The following UBTD1 variants were observed in gnomAD, a reference collection of about 807,000 sequenced individuals.
The protein encoded by UBTD1 is ubiquitin domain-containing protein 1.
Under a neutral mutation model 21.7 loss-of-function variants are expected in UBTD1, and 19 were observed. That is an observed-to-expected ratio of 0.87 (90% CI 0.61 to 1.28). The LOEUF (loss-of-function observed/expected upper bound fraction) is 1.28. Ranked by LOEUF, UBTD1 falls within the 50% of genes most tolerant of loss-of-function variation. UBTD1 has a pLI of 0.00. For missense variants in UBTD1, 282 were observed against 315.1 expected (o/e 0.89, Z 0.80); for synonymous variants, 116 against 135.1 (o/e 0.86, Z 0.98).
intron 1 of UBTD1, among the ~76,000 whole-genome samples, chr10:97,535,968 A>AATTATT (rs760908517): frequency 0.056 from 5,072 of 90,088 alleles, 208 homozygotes; most frequent in East Asian, 0.22. Flanking sequence ...GTTGGAGAGA[A>AATTATT]ATTATTATTA....
At position 97,570,766 on chromosome 10, in the gene UBTD1, G is replaced by C. The variant is rs2040744853; in HGVS notation, c.*243G>C. ...AAAAGGCGAACAGGGCCCTCACCCT[G>C]CCTGTCTCCCGAAGCAGGTTCGAGC... On this transcript the variant is annotated 3_prime_UTR_variant, in exon 3 of 3. Transcript: ENST00000370664. This position sits in a 1 kb window ranked among gnomAD's most constrained non-coding sequence, Gnocchi z 6.6. 5.9e-6 allele frequency: 3 copies of C among 506,854 alleles called. No individual in the cohort carries two copies. The highest frequency in any genetic ancestry group is 1.0e-5 in the Non-Finnish European group (3 of 287,802). The allele number at this position is 506,854 out of a possible 1,614,324, so 31.4% of individuals were successfully genotyped here.
chr10:97,502,391 C>T (rs1490915994), intron 1 of UBTD1, among the ~76,000 whole-genome samples: 6 of 152,138 alleles, frequency 3.9e-5, no homozygotes, highest in East Asian at 1.9e-4. Flanking sequence ...CATAGTTTTA[C>T]GTTGTAAGAC....
At chr10:97,556,779 G>A (rs2040666027) in intron 1 of UBTD1, among the ~76,000 whole-genome samples, 2 of 152,316 alleles carry the variant, frequency 1.3e-5, no homozygotes, top group African/African-American at 4.8e-5. Context: ...CACATATCCA[G>A]TATAACCTGG....
At chr10:97,527,476 TTTTTA>T (rs1202084208) in intron 1 of UBTD1, among the ~76,000 whole-genome samples, 2 of 151,786 alleles carry the variant, frequency 1.3e-5, no homozygotes, top group Non-Finnish European at 2.9e-5. Context: ...TTTATTTTTA[TTTTTA>T]TTTTATTTTT....
intron 1 of UBTD1, among the ~76,000 whole-genome samples, chr10:97,510,128 C>T (rs11189246): frequency 0.13 from 19,204 of 151,772 alleles, 1,681 homozygotes; most frequent in Non-Finnish European, 0.2. Context: ...ATACCCAGCT[C>T]ATTTTTTTGT....
intron 1 of UBTD1, among the ~76,000 whole-genome samples, chr10:97,537,525 G>A (rs1455593365): frequency 6.6e-6 from 1 of 152,214 alleles, no homozygotes; most frequent in Admixed American, 6.5e-5. Flanking sequence ...GGAAACTGAG[G>A]CGCAAAGCTT....
chr10:97,529,773 C>G (rs1274182533), intron 1 of UBTD1, among the ~76,000 whole-genome samples: 1 of 110,340 alleles, frequency 9.1e-6, no homozygotes, highest in African/African-American at 2.9e-5. Context: ...AGAGGGAGAC[C>G]GTGGGGAGAG....
chr10:97,553,100 C>A (rs914008401), intron 1 of UBTD1, among the ~76,000 whole-genome samples: 2 of 152,220 alleles, frequency 1.3e-5, no homozygotes, highest in Admixed American at 6.5e-5. Flanking sequence ...CACTGCCCAA[C>A]TTTTTTGACT....
At chr10:97,513,949 C>T (rs1245840633) in intron 1 of UBTD1, among the ~76,000 whole-genome samples, 1 of 151,662 alleles carries the variant, frequency 6.6e-6, no homozygotes, top group Non-Finnish European at 1.5e-5. Flanking sequence ...TGGCCACAAG[C>T]ACTTCTCCCA....
intron 1 of UBTD1, among the ~76,000 whole-genome samples, chr10:97,563,271 T>C (rs1401383255): frequency 4.6e-5 from 7 of 152,220 alleles, no homozygotes; most frequent in Admixed American, 2.6e-4. Flanking sequence ...GTTTTTGGGC[T>C]CTATCCTTGA....
intron 1 of UBTD1, among the ~76,000 whole-genome samples, chr10:97,517,574 G>A (rs1034080780): frequency 6.6e-6 from 1 of 152,202 alleles, no homozygotes; most frequent in Non-Finnish European, 1.5e-5. Context: ...GTCTCGTGCG[G>A]ATGCAGGCAG....
chr10:97,514,600 G>A (rs1440318432), intron 1 of UBTD1, among the ~76,000 whole-genome samples: 2 of 152,158 alleles, frequency 1.3e-5, no homozygotes, highest in African/African-American at 2.4e-5. Flanking sequence ...GGGTCACCTC[G>A]GATTCAGCAC....
chr10:97,535,975 A>ATTATTATTATTATTG (rs71007348), intron 1 of UBTD1, among the ~76,000 whole-genome samples: 56,928 of 143,852 alleles, frequency 0.4, 12,167 homozygotes, highest in Non-Finnish European at 0.48. Context: ...AGAAATTATT[A>ATTATTATTATTATTG]TTATTATTAT....
intron 1 of UBTD1, among the ~76,000 whole-genome samples, chr10:97,551,815 T>C (rs1398662009): frequency 6.6e-6 from 1 of 152,212 alleles, no homozygotes; most frequent in Non-Finnish European, 1.5e-5. Flanking sequence ...TACATTCTTA[T>C]TGTAGAAAAC....
intron 1 of UBTD1, among the ~76,000 whole-genome samples, chr10:97,520,757 A>T (rs1024285709): frequency 6.6e-6 from 1 of 152,190 alleles, no homozygotes; most frequent in Non-Finnish European, 1.5e-5. Context: ...GCAGGGGCAC[A>T]GCTGGAGAGA....
At chr10:97,563,038 G>C (rs1351560254) in intron 1 of UBTD1, among the ~76,000 whole-genome samples, 1 of 152,126 alleles carries the variant, frequency 6.6e-6, no homozygotes, top group African/African-American at 2.4e-5. Flanking sequence ...TGGGGGTAAA[G>C]GGTAATATTG....
At chr10:97,547,242 G>T (rs570530764) in intron 1 of UBTD1, among the ~76,000 whole-genome samples, 2 of 152,194 alleles carry the variant, frequency 1.3e-5, no homozygotes, top group African/African-American at 4.8e-5. Context: ...GAGGGAGGTT[G>T]GACTGCTATG....
chr10:97,519,411 C>G (rs1364969579), intron 1 of UBTD1, among the ~76,000 whole-genome samples: 1 of 152,214 alleles, frequency 6.6e-6, no homozygotes, highest in Non-Finnish European at 1.5e-5. Flanking sequence ...GACGATCTTT[C>G]CACTTAAATC....
chr10:97,546,276 C>G (rs1370364654), intron 1 of UBTD1, among the ~76,000 whole-genome samples: 1 of 152,024 alleles, frequency 6.6e-6, no homozygotes, highest in African/African-American at 2.4e-5. Flanking sequence ...GAGCTGGTGC[C>G]TAGGTGTGTG....
Sources: allele counts gnomAD v4.1 joint callset (sites outside exome capture counted in the v4.1 genomes callset), GRCh38; gene constraint gnomAD v4.1.1; non-coding constraint Gnocchi (gnomAD v3.1); transcripts MANE v1.5; gene names NCBI Gene and HGNC (gene_info 2026-07-23, HGNC 2026-07-21).